SGTA: variants seen among roughly 807,000 people sequenced by gnomAD.
SGTA encodes small glutamine-rich tetratricopeptide repeat-containing protein alpha.
In SGTA, 22 loss-of-function variants were observed where a neutral mutation model predicts 44.3. That is an observed-to-expected ratio of 0.50 (90% confidence interval 0.36 to 0.71). The LOEUF is 0.71. Among genes scored for constraint, SGTA ranks in the 30% least tolerant of loss-of-function variants. SGTA has a pLI of 0.00. For missense variants in SGTA, 341 were observed against 435.9 expected (o/e 0.78, Z 1.94); for synonymous variants, 174 against 177.6 (o/e 0.98, Z 0.16).
At position 2,765,049 on chromosome 19, in the gene SGTA, C is replaced by T; in HGVS notation, c.392+137G>A. The T allele has an allele frequency of 1.5e-6, 1 of 647,364 alleles. No individual in the cohort carries two copies. The allele number at this position is 647,364 out of a possible 1,614,324, so 40.1% of individuals were successfully genotyped here. ...CGTTGCTGGTCACCTGATGCTCGCTCCTGGTCTGAGACCACCGGTGAATGG... is the reference window on the plus strand; with the variant it reads ...CGTTGCTGGTCACCTGATGCTCGCTTCTGGTCTGAGACCACCGGTGAATGG... On this transcript the variant is annotated intron_variant, in intron 5 of 11. Coordinates refer to ENST00000221566, the MANE Select transcript of SGTA (RefSeq NM_003021.4). This position sits in a 1 kb window ranked among gnomAD's most constrained non-coding sequence, Gnocchi z 5.5.
At chr19:2,775,912 G>A (rs182498195) in intron 1 of SGTA, among the ~76,000 whole-genome samples, 29 of 152,272 alleles carry the variant, frequency 1.9e-4, no homozygotes, top group African/African-American at 6.3e-4. Context: ...AGGGAGTTAC[G>A]GTCTTCCTGA....
intron 1 of SGTA, among the ~76,000 whole-genome samples, chr19:2,777,253 GA>G (rs527677371): frequency 7.6e-4 from 102 of 134,372 alleles, no homozygotes; most frequent in Middle Eastern, 3.8e-3. Context: ...CTCCATCTCA[GA>G]AAAAAAAAAA....
chr19:2,771,316 C>T (rs945170463), intron 1 of SGTA, among the ~76,000 whole-genome samples: 3 of 151,958 alleles, frequency 2.0e-5, no homozygotes, highest in South Asian at 2.1e-4. Flanking sequence ...CCCAGCTACT[C>T]GGGAGGCTGA....
Position 2,765,336 on chromosome 19 carries a change from G to T in SGTA, c.293-51C>A. On this transcript the variant is annotated intron_variant, in intron 4 of 11. Transcript: ENST00000221566. This position sits in a 1 kb window ranked among gnomAD's most constrained non-coding sequence, Gnocchi z 5.5. ...CCCGGTGTCCACACAGACCGGAGGG[G>T]GTGTCAGGGAGAGAGGAAAACACCG... The T allele has an allele frequency of 7.3e-7, 1 of 1,374,142 alleles. No homozygotes were observed. The highest frequency in any genetic ancestry group is 1.0e-6 in the Non-Finnish European group (1 of 973,864). The allele number at this position is 1,374,142 out of a possible 1,614,324, so 85.1% of individuals were successfully genotyped here.
In SGTA at chr19:2,767,767, G is replaced by A; in HGVS notation, c.101-81C>T. The A allele has an allele frequency of 2.9e-6, 3 of 1,042,128 alleles. No homozygotes were observed. The highest frequency in any genetic ancestry group is 3.0e-6 in the Non-Finnish European group (2 of 673,432). 64.6% of individuals were successfully genotyped at this position (1,042,128 alleles called of 1,614,324 possible). On this transcript the variant is annotated intron_variant, in intron 2 of 11. Transcript: ENST00000221566. The surrounding 1 kb of genome is among the most constrained non-coding windows in gnomAD (Gnocchi z 7.3). ...TTTGGGTCTAGAGGGCGGGGTTGGT[G>A]CTCATGCTTCCCCAGGTGTGTTCAT...
At chr19:2,780,661 G>A (rs2144745122) in intron 1 of SGTA, among the ~76,000 whole-genome samples, 1 of 152,278 alleles carries the variant, frequency 6.6e-6, no homozygotes, top group East Asian at 1.9e-4. Context: ...TCTTCCCTTT[G>A]AACGCCAGCA....
chr19:2,769,833 G>A (rs1361668596), intron 1 of SGTA, among the ~76,000 whole-genome samples: 1 of 111,660 alleles, frequency 9.0e-6, no homozygotes, highest in East Asian at 2.8e-4. Context: ...TTCCCCCAGC[G>A]GACACCCTCC....
chr19:2,760,423 CAGG>C (rs1398984303), intron 8 of SGTA, among the ~76,000 whole-genome samples: 1 of 143,502 alleles, frequency 7.0e-6, no homozygotes, highest in Non-Finnish European at 1.5e-5. Context: ...GAGGCTGACG[CAGG>C]AGAATCGCTT....
intron 1 of SGTA, among the ~76,000 whole-genome samples, chr19:2,776,868 C>G (rs758985923): frequency 6.6e-6 from 1 of 151,988 alleles, no homozygotes; most frequent in African/African-American, 2.4e-5. Flanking sequence ...GAGGCTGAGG[C>G]GGGAGAATCG....
rs750158481 is a variant in SGTA at position 2,767,187 on chromosome 19, T to A, written c.241A>T (p.Thr81Ser). Residue 81 changes from threonine (T) to serine (S), a missense_variant, in exon 4 of 12, where the codon ACC becomes TCC. By Grantham distance (58) the Thr-to-Ser change is moderately conservative (BLOSUM62 1). Transcript: ENST00000221566. This position sits in a 1 kb window ranked among gnomAD's most constrained non-coding sequence, Gnocchi z 7.3. ...MPQDLRSPAR[T>S]PPSEEDSAEA... ...GCTGAGTCCTCCTCGGAAGGCGGGG[T>A]TCGCGCGGGGCTCCTCAGGTCCTGC... The A allele has an allele frequency of 5.9e-5, 95 of 1,612,358 alleles. No individual in the cohort carries two copies. Among genetic ancestry groups the A allele is most frequent in the Non-Finnish European group, 7.8e-5 (92 of 1,179,548 alleles).
At chr19:2,782,189 C>A (rs1444274968) in intron 1 of SGTA, among the ~76,000 whole-genome samples, 2 of 152,256 alleles carry the variant, frequency 1.3e-5, no homozygotes, top group South Asian at 2.1e-4. Context: ...GCAACCCTGG[C>A]CTCCACCAAC....
Position 2,765,817 on chromosome 19 carries a change from G to A in SGTA, c.293-532C>T, listed in dbSNP as rs994271109. 7.2e-5 allele frequency among the ~76,000 whole-genome samples: 11 copies of A among 152,020 alleles called. No homozygotes were observed. In the South Asian group the frequency reaches 1.2e-3, roughly 17 times the overall value. On this transcript the variant is annotated intron_variant, in intron 4 of 11. Coordinates refer to ENST00000221566, the MANE Select transcript of SGTA (RefSeq NM_003021.4). The surrounding 1 kb of genome is among the most constrained non-coding windows in gnomAD (Gnocchi z 5.5). ...GCCCTGAAGACAGAAACCCACTCCC[G>A]CCCCCGAGATCCCAATTCAGGAGGG...
intron 1 of SGTA, among the ~76,000 whole-genome samples, chr19:2,773,686 G>A (rs1406703800): frequency 2.3e-5 from 1 of 43,808 alleles, no homozygotes; most frequent in Non-Finnish European, 3.5e-5. Flanking sequence ...GCGGCCACAC[G>A]GCAGGGACAC....
At chr19:2,774,447 A>G (rs13345349) in intron 1 of SGTA, among the ~76,000 whole-genome samples, 5,850 of 152,234 alleles carry the variant, frequency 0.038, 360 homozygotes, top group African/African-American at 0.13. Flanking sequence ...AGCTTCTTTT[A>G]TAAGAAAACG....
chr19:2,758,206 G>A (rs1318054001), intron 9 of SGTA, among the ~76,000 whole-genome samples: 1 of 152,180 alleles, frequency 6.6e-6, no homozygotes, highest in African/African-American at 2.4e-5. Flanking sequence ...AAATGGCCAC[G>A]GTGCTGTGGC....
In SGTA at chr19:2,761,995, C is replaced by T. The variant is rs909469444; in HGVS notation, c.637-473G>A. Among the ~76,000 whole-genome samples the T allele has an allele frequency of 2.6e-5, 4 of 152,184 alleles. No individual in the cohort carries two copies. Among genetic ancestry groups the T allele is most frequent in the African/African-American group, 9.7e-5 (4 of 41,434 alleles). On this transcript the variant is annotated intron_variant, in intron 7 of 11. Coordinates refer to ENST00000221566, the MANE Select transcript of SGTA (RefSeq NM_003021.4). This position sits in a 1 kb window ranked among gnomAD's most constrained non-coding sequence, Gnocchi z 5.7. ...CTTGCTGGCCTGGCAGAGCCGCCCC[C>T]TCCTGGAGTAGCCAATTCCCAGAGA...
chr19:2,755,472 G>A lies in SGTA; in HGVS notation c.*468C>T. 1 of 987,582 alleles carries A rather than the reference G, an allele frequency of 1.0e-6. No homozygotes were observed. Among genetic ancestry groups the A allele is most frequent in the Non-Finnish European group, 1.2e-6 (1 of 830,238 alleles). The allele number at this position is 987,582 out of a possible 1,614,324, so 61.2% of individuals were successfully genotyped here. A position where few individuals can be genotyped will look rare whatever the true frequency, so the allele number is the denominator to read the frequency against. ...CTCTTCCGAGCAGGCACAGGGCCGGGGTGGCCGGGAGGTCGACTCGGAAAG... is the reference window on the plus strand; with the variant it reads ...CTCTTCCGAGCAGGCACAGGGCCGGAGTGGCCGGGAGGTCGACTCGGAAAG... On this transcript the variant is annotated 3_prime_UTR_variant, in exon 12 of 12. Transcript: ENST00000221566. The surrounding 1 kb of genome is among the most constrained non-coding windows in gnomAD (Gnocchi z 5.2).
rs3745813 is a variant in SGTA at position 2,761,336 on chromosome 19, C to A, written c.699+124G>T. On this transcript the variant is annotated intron_variant, in intron 8 of 11. Transcript: ENST00000221566. This position sits in a 1 kb window ranked among gnomAD's most constrained non-coding sequence, Gnocchi z 5.7. ...GCCCAGGACGACCCCACAGACAAGA[C>A]CCATCTGGTTCCAGAAGCCAGCAGT... 265,130 of 911,720 alleles carry A rather than the reference C, an allele frequency of 0.29. 45,770 individuals carry two copies. The highest frequency in any genetic ancestry group is 0.64 in the East Asian group (24,348 of 37,968). The allele number at this position is 911,720 out of a possible 1,614,324, so 56.5% of individuals were successfully genotyped here.
Position 2,763,497 on chromosome 19 carries a change from C to T in SGTA, c.497+156G>A, listed in dbSNP as rs1427642390. On this transcript the variant is annotated intron_variant, in intron 6 of 11. Coordinates refer to ENST00000221566, the MANE Select transcript of SGTA (RefSeq NM_003021.4). This position sits in a 1 kb window ranked among gnomAD's most constrained non-coding sequence, Gnocchi z 5.8. ...GGGCTGAGCCTGTGACCTGTAGGGA[C>T]TACGTTGGCTCCGAACAGCTAGTGT... Among the ~76,000 whole-genome samples, 1 of 152,130 alleles carries T rather than the reference C, an allele frequency of 6.6e-6. No homozygotes were observed. The highest frequency in any genetic ancestry group is 1.5e-5 in the Non-Finnish European group (1 of 68,028).
Sources: allele counts gnomAD v4.1 joint callset (sites outside exome capture counted in the v4.1 genomes callset), GRCh38; gene constraint gnomAD v4.1.1; non-coding constraint Gnocchi (gnomAD v3.1); transcripts MANE v1.5; gene names NCBI Gene and HGNC (gene_info 2026-07-23, HGNC 2026-07-21).